The following MEIS2 variants were observed in gnomAD, a reference collection of about 807,000 sequenced individuals.
The protein encoded by MEIS2 is homeobox protein Meis2.
Under a neutral mutation model 58.6 loss-of-function variants are expected in MEIS2, and 9 were observed. The ratio of observed to expected loss-of-function variants is 0.15; its 90% CI spans 0.09 to 0.27. MEIS2 has a LOEUF of 0.27. MEIS2 is among the 10% of genes least tolerant of loss of function. The probability of loss-of-function intolerance (pLI) is 1.00; values close to 1 mark genes in which losing one functional copy is unlikely to be tolerated. For synonymous variants in MEIS2, 221 were observed against 228.4 expected (o/e 0.97, Z 0.29); for missense variants, 427 against 635.0 (o/e 0.67, Z 3.52).
chr15:37,032,753 A>G (rs1389856900), intron 8 of MEIS2, among the ~76,000 whole-genome samples: 1 of 152,098 alleles, frequency 6.6e-6, no homozygotes, highest in Non-Finnish European at 1.5e-5. Context: ...ATTATTGTGA[A>G]TTTTTTTAGA....
chr15:36,891,949 T>C lies in MEIS2; in HGVS notation c.*224A>G. On this transcript the variant is annotated 3_prime_UTR_variant, in exon 12 of 12. Coordinates refer to ENST00000561208, the MANE Select transcript of MEIS2 (RefSeq NM_170675.5). ...ACAGTAGTTATAACTCTCGGAGTCT[T>C]TTTCCAGAGGATCTTTACATGGACA... 1.7e-6 allele frequency: 1 copy of C among 589,766 alleles called. No individual in the cohort carries two copies. 36.5% of individuals were successfully genotyped at this position (589,766 alleles called of 1,614,324 possible).
At chr15:37,038,307 T>C (rs1595984243) in intron 7 of MEIS2, among the ~76,000 whole-genome samples, 1 of 152,338 alleles carries the variant, frequency 6.6e-6, no homozygotes, top group East Asian at 1.9e-4. Context: ...TCTCGGACTA[T>C]GCTACAGCAC....
intron 7 of MEIS2, among the ~76,000 whole-genome samples, chr15:37,037,737 A>G (rs1185159746): frequency 6.6e-6 from 1 of 152,250 alleles, no homozygotes; most frequent in African/African-American, 2.4e-5. Context: ...TAAATTATGT[A>G]TCTGAAAAAC....
At chr15:37,092,966 A>C (rs1276667250) in intron 6 of MEIS2, among the ~76,000 whole-genome samples, 2 of 151,876 alleles carry the variant, frequency 1.3e-5, no homozygotes, top group South Asian at 2.1e-4. Context: ...TTGGTTCATC[A>C]AGGTTACTGT....
At chr15:37,041,196 A>G (rs574647911) in intron 7 of MEIS2, among the ~76,000 whole-genome samples, 296 of 152,334 alleles carry the variant, frequency 1.9e-3, no homozygotes, top group African/African-American at 6.7e-3. Flanking sequence ...GGCACTAGCT[A>G]AAAAATTGTG....
chr15:36,947,005 G>A (rs1222942924), intron 9 of MEIS2, among the ~76,000 whole-genome samples: 2 of 151,970 alleles, frequency 1.3e-5, no homozygotes, highest in Middle Eastern at 3.2e-3. Context: ...CTCTCCTAAC[G>A]CGTGTACTTT....
chr15:37,026,059 C>G (rs1190736397), intron 8 of MEIS2, among the ~76,000 whole-genome samples: 3 of 151,890 alleles, frequency 2.0e-5, no homozygotes, highest in Non-Finnish European at 2.9e-5. Flanking sequence ...AAAAAAAAAT[C>G]ACTGTGAGGA....
At position 36,922,249 on chromosome 15, in the gene MEIS2, G is replaced by C. The variant is rs551152317; in HGVS notation, c.978-25563C>G. Among the ~76,000 whole-genome samples, 4 of 152,264 alleles carry C rather than the reference G, an allele frequency of 2.6e-5. No individual in the cohort carries two copies. In the East Asian group the frequency reaches 7.7e-4, roughly 29 times the overall value. On this transcript the variant is annotated intron_variant, in intron 9 of 11. Transcript: ENST00000561208. ...AGCCCTCAAGCCTGGAAGAGTCTGT[G>C]ATTCTTCATTTGTAAAAAGGGAAAA...
intron 8 of MEIS2, among the ~76,000 whole-genome samples, chr15:36,993,968 G>A (rs2060386765): frequency 6.6e-6 from 1 of 152,078 alleles, no homozygotes; most frequent in Non-Finnish European, 1.5e-5. Flanking sequence ...GTGAAGTTGA[G>A]ATGATTTTCA....
intron 8 of MEIS2, among the ~76,000 whole-genome samples, chr15:36,964,500 T>C (rs1345748486): frequency 1.3e-5 from 2 of 152,170 alleles, no homozygotes; most frequent in Non-Finnish European, 2.9e-5. Flanking sequence ...GAGGGAAAAA[T>C]TCTGCATGTT....
chr15:37,079,365 A>G (rs2141901112), intron 7 of MEIS2, among the ~76,000 whole-genome samples: 1 of 152,236 alleles, frequency 6.6e-6, no homozygotes, highest in South Asian at 2.1e-4. Flanking sequence ...GCCAGATGGC[A>G]TCTGTCATAT....
Position 36,920,207 on chromosome 15 carries a change from T to G in MEIS2, c.978-23521A>C, listed in dbSNP as rs545842540. Among the ~76,000 whole-genome samples the G allele has an allele frequency of 8.5e-5, 13 of 152,292 alleles. No individual in the cohort carries two copies. The South Asian group carries it at 2.5e-3, about 29-fold the overall frequency. On this transcript the variant is annotated intron_variant, in intron 9 of 11. Transcript: ENST00000561208. ...TCTTGTTGCCCAGGCTGGAGTACAA[T>G]GGCTCAATCTTGGCTCACCGCAACC... is the stretch of plus-strand genomic sequence containing the variant.
intron 8 of MEIS2, among the ~76,000 whole-genome samples, chr15:36,955,272 A>C (rs2058917313): frequency 6.6e-6 from 1 of 152,222 alleles, no homozygotes; most frequent in Non-Finnish European, 1.5e-5. Context: ...AGTGGAGGAC[A>C]ATCACCTTTC....
At chr15:37,096,644 T>C (rs752885527) in intron 2 of MEIS2, 4 of 464,116 alleles carry the variant, frequency 8.6e-6, no homozygotes, top group Non-Finnish European at 1.5e-5. Flanking sequence ...CAGAGGTCCC[T>C]CAGATCTGGC....
chr15:37,031,750 A>C (rs2061933539), intron 8 of MEIS2, among the ~76,000 whole-genome samples: 1 of 151,678 alleles, frequency 6.6e-6, no homozygotes, highest in South Asian at 2.1e-4. Context: ...TTTTGTCATG[A>C]ACAAAAGGCA....
intron 8 of MEIS2, among the ~76,000 whole-genome samples, chr15:36,961,764 A>G (rs2059191283): frequency 6.6e-6 from 1 of 152,192 alleles, no homozygotes; most frequent in Admixed American, 6.5e-5. Flanking sequence ...GACAAAAGAA[A>G]GAGAAATAAT....
intron 7 of MEIS2, among the ~76,000 whole-genome samples, chr15:37,062,433 A>G (rs565704014): frequency 2.6e-5 from 4 of 152,348 alleles, no homozygotes; most frequent in African/African-American, 9.6e-5. Context: ...TTTAGTTGCA[A>G]AAACATAAGG....
chr15:37,045,293 T>C (rs2062615638), intron 7 of MEIS2, among the ~76,000 whole-genome samples: 1 of 152,206 alleles, frequency 6.6e-6, no homozygotes, highest in Middle Eastern at 3.2e-3. Context: ...CGGTATTTTA[T>C]GGACTAATTT....
At chr15:36,987,972 C>G (rs879166656) in intron 8 of MEIS2, among the ~76,000 whole-genome samples, 3 of 152,136 alleles carry the variant, frequency 2.0e-5, no homozygotes, top group Admixed American at 2.0e-4. Flanking sequence ...AATGCTCATT[C>G]ATGTCACTGG....
Sources: allele counts gnomAD v4.1 joint callset (sites outside exome capture counted in the v4.1 genomes callset), GRCh38; gene constraint gnomAD v4.1.1; transcripts MANE v1.5; gene names NCBI Gene and HGNC (gene_info 2026-07-23, HGNC 2026-07-21).